Variants in GREB1 observed in about 807,000 individuals in gnomAD.
GREB1 encodes protein GREB1.
GREB1 carries 106 observed loss-of-function variants against 200.7 expected under a neutral mutation model. The observed-to-expected ratio is 0.53, with a 90% CI of 0.45 to 0.62. The LOEUF is 0.62. Ranked by LOEUF, GREB1 falls within the 20% of genes least tolerant of loss-of-function variation. GREB1 has a pLI of 0.00. For missense variants in GREB1, 2,243 were observed against 2,556.8 expected (o/e 0.88, Z 2.65); for synonymous variants, 1,132 against 1,092.4 (o/e 1.04, Z -0.72).
chr2:11,500,410 C>T (rs909262776), intron 1 of GREB1, among the ~76,000 whole-genome samples: 4 of 152,008 alleles, frequency 2.6e-5, no homozygotes, highest in Admixed American at 1.3e-4. Flanking sequence ...CTGCTCGCCT[C>T]GGACTCCCAA....
intron 15 of GREB1, among the ~76,000 whole-genome samples, chr2:11,599,906 C>T (rs555008831): frequency 7.5e-4 from 114 of 152,278 alleles, no homozygotes; most frequent in African/African-American, 2.5e-3. Flanking sequence ...CCAAGCCAAG[C>T]GCCTGGCAGG....
intron 2 of GREB1, among the ~76,000 whole-genome samples, chr2:11,558,624 G>A (rs1459360618): frequency 7.2e-5 from 11 of 152,318 alleles, no homozygotes; most frequent in Non-Finnish European, 1.3e-4. Flanking sequence ...GGGCTGGTGG[G>A]AAGAGACAGA....
At chr2:11,533,294 GA>G (rs1674143626), upstream of GREB1, among the ~76,000 whole-genome samples, 1 of 152,214 alleles carries the variant, frequency 6.6e-6, no homozygotes. Flanking sequence ...CACTCATCTT[GA>G]AAAAAACAGA....
upstream of GREB1, among the ~76,000 whole-genome samples, chr2:11,529,656 T>C (rs895022947): frequency 2.6e-5 from 4 of 152,206 alleles, no homozygotes; most frequent in Admixed American, 1.3e-4. Context: ...GTGTGTACCC[T>C]CCTGACACAC....
rs750259478 is a variant in GREB1 at position 11,556,780 on chromosome 2, C to T, written c.157+9C>T. ...GCTTGCCGCTCTAGAAGGTGGGAGA[C>T]GCACGTTGCTTTTATCTGTGTATTT... On this transcript the variant is annotated intron_variant, in intron 2 of 32. Coordinates refer to ENST00000381486, the MANE Select transcript of GREB1 (RefSeq NM_014668.4). The T allele has an allele frequency of 1.4e-5, 23 of 1,611,556 alleles. No individual in the cohort carries two copies. Among genetic ancestry groups the T allele is most frequent in the African/African-American group, 2.7e-5 (2 of 74,846 alleles).
chr2:11,576,428 T>A lies in GREB1; in HGVS notation c.530T>A (p.Leu177Gln). 6.2e-7 allele frequency: 1 copy of A among 1,613,936 alleles called. No individual in the cohort carries two copies. Among genetic ancestry groups the A allele is most frequent in the Non-Finnish European group, 8.5e-7 (1 of 1,179,748 alleles). The stretch of plus-strand genomic sequence containing the variant: ...ACGGAATTCTCCAATCATATAAATC[T>A]GAAACTGACCACTCAACCCAAGAAG... Reference protein sequence around the residue: ...YFTEFSNHINLKLTTQPKKQK... With the variant: ...YFTEFSNHINQKLTTQPKKQK... Residue 177 changes from leucine to glutamine, a missense_variant, in exon 5 of 33, where the codon CTG (leucine) becomes CAG (glutamine). By Grantham distance (113) the Leu-to-Gln change is moderately radical. Coordinates refer to ENST00000381486, the MANE Select transcript of GREB1 (RefSeq NM_014668.4).
chr2:11,619,470 G>A (rs1398536862), intron 22 of GREB1, among the ~76,000 whole-genome samples: 1 of 152,170 alleles, frequency 6.6e-6, no homozygotes. Context: ...ATGCGGTTCA[G>A]TATCCATTTG....
intron 30 of GREB1, among the ~76,000 whole-genome samples, chr2:11,637,248 C>T (rs993229901): frequency 2.6e-5 from 4 of 151,220 alleles, no homozygotes; most frequent in African/African-American, 4.9e-5. Flanking sequence ...CTAGGACTCA[C>T]GGGAGGGAAG....
chr2:11,592,550 A>G (rs1311392068), intron 10 of GREB1, among the ~76,000 whole-genome samples: 1 of 150,664 alleles, frequency 6.6e-6, no homozygotes, highest in Non-Finnish European at 1.5e-5. Flanking sequence ...AATTAAAAAA[A>G]AACTTTCATA....
chr2:11,598,607 T>C, intron 14 of GREB1, 73 bp from the exon 15 acceptor site: 1 of 1,372,630 alleles, frequency 7.3e-7, no homozygotes, highest in South Asian at 1.2e-5. Context: ...GAGTCGCTCC[T>C]CAGGTGTCTG....
At chr2:11,521,153 G>A (rs530516040) in intron 1 of GREB1, among the ~76,000 whole-genome samples, 4 of 152,220 alleles carry the variant, frequency 2.6e-5, no homozygotes, top group African/African-American at 9.6e-5. Context: ...TGTTGCCCAG[G>A]CTGGAGTGCT....
intron 17 of GREB1, among the ~76,000 whole-genome samples, chr2:11,607,587 T>TAC (rs1329912941): frequency 1.2e-4 from 1 of 8,376 alleles, no homozygotes; most frequent in Non-Finnish European, 1.3e-3. Flanking sequence ...CATATATACA[T>TAC]ATATACATAT....
rs59658399 is a variant in GREB1, at chr2:11,524,949, G to A, written c.-158-31508G>A. ...CTGTTGTTTTTCTGGTAAAGCGGCC[G>A]TGTTCTTTTCATCCCTCATGTTTCT... On this transcript the variant is annotated intron_variant, in intron 1 of 2. Transcript: ENST00000628795. Among the ~76,000 whole-genome samples the A allele has an allele frequency of 4.1e-3, 632 of 152,304 alleles. 8 individuals carry two copies. The highest frequency in any genetic ancestry group is 0.014 in the African/African-American group (599 of 41,568).
At position 11,493,526 on chromosome 2, in the gene GREB1, C is replaced by T. The variant is rs997016401; in HGVS notation, c.-159+11145C>T. 1.1e-4 allele frequency among the ~76,000 whole-genome samples: 16 copies of T among 152,236 alleles called. No individual in the cohort carries two copies. Among genetic ancestry groups the T allele is most frequent in the African/African-American group, 2.6e-4 (11 of 41,540 alleles). Reference sequence around the variant, plus strand: ...TACAGATGAAACTTCTCTTGCCCACCGCTCACCTCCTGCTGTGTGGCCTGC... The same window carrying T: ...TACAGATGAAACTTCTCTTGCCCACTGCTCACCTCCTGCTGTGTGGCCTGC... On this transcript the variant is annotated intron_variant, in intron 1 of 2. Coordinates refer to the GREB1 transcript ENST00000628795. The surrounding 1 kb of genome is among the most constrained non-coding windows in gnomAD (Gnocchi z 4.6).
At chr2:11,528,642 T>A (rs1673965599) in intron 1 of GREB1, among the ~76,000 whole-genome samples, 1 of 152,194 alleles carries the variant, frequency 6.6e-6, no homozygotes, top group South Asian at 2.1e-4. Flanking sequence ...GAATATTTTA[T>A]AAAGTCCTTT....
At chr2:11,524,181 G>A (rs1483569084) in intron 1 of GREB1, among the ~76,000 whole-genome samples, 3 of 152,202 alleles carry the variant, frequency 2.0e-5, no homozygotes, top group Non-Finnish European at 4.4e-5. Context: ...CTCAGTAGAA[G>A]GTGTTAGTTG....
chr2:11,599,763 G>A (rs1242295452), intron 15 of GREB1, among the ~76,000 whole-genome samples: 1 of 151,996 alleles, frequency 6.6e-6, no homozygotes, highest in Admixed American at 6.5e-5. Flanking sequence ...CTCGTGATCC[G>A]CCCGCCTCGG....
At chr2:11,585,933 GGGATGGGAGAACCTAAA>G in intron 9 of GREB1, 28 bp downstream of exon 9, 1 of 1,604,414 alleles carries the variant, frequency 6.2e-7, no homozygotes, top group Non-Finnish European at 8.5e-7. Flanking sequence ...CCGAGTCGTG[GGGATGGGAGAACCTAAA>G]GGAAGGCATG....
In GREB1 at chr2:11,548,255, T is replaced by C. The variant is rs947431602; in HGVS notation, c.-161-8199T>C. Among the ~76,000 whole-genome samples, 4 of 148,960 alleles carry C rather than the reference T, an allele frequency of 2.7e-5. No homozygotes were observed. Among genetic ancestry groups the C allele is most frequent in the African/African-American group, 7.4e-5 (3 of 40,284 alleles). ...ACACATGTGCACATACCCAAACATATGTGCACACACATGTACAGCCAGACA... is the reference window on the plus strand; with the variant it reads ...ACACATGTGCACATACCCAAACATACGTGCACACACATGTACAGCCAGACA... On this transcript the variant is annotated intron_variant, in intron 1 of 32. Transcript: ENST00000381486. This position sits in a 1 kb window ranked among gnomAD's most constrained non-coding sequence, Gnocchi z 5.1.
Sources: gnomAD v4.1 joint callset for allele counts (sites outside exome capture counted in the v4.1 genomes callset) on GRCh38, gnomAD v4.1.1 for gene constraint, Gnocchi (gnomAD v3.1) non-coding constraint, MANE v1.5 for transcripts, NCBI Gene and HGNC (gene_info 2026-07-23, HGNC 2026-07-21) for gene names.